TRAK2: variants seen among roughly 807,000 people sequenced by gnomAD.
The protein encoded by TRAK2 is trafficking kinesin protein 2.
Under a neutral mutation model 104.6 loss-of-function variants are expected in TRAK2, and 81 were observed. That is an observed-to-expected ratio of 0.77 (90% confidence interval 0.65 to 0.93). TRAK2 has a LOEUF of 0.93. TRAK2 is among the 40% of genes least tolerant of loss of function. The pLI is 0.00. For missense variants in TRAK2, 1,002 were observed against 1,089.0 expected, an observed-to-expected ratio of 0.92 and a Z score of 1.12; for synonymous variants, 406 against 394.4, an observed-to-expected ratio of 1.03 and a Z score of -0.35.
chr2:201,407,599 T>TC lies in TRAK2; in HGVS notation c.92-3_92-2insG, dbSNP rs1167277383. 3 of 1,609,918 alleles carry TC rather than the reference T, an allele frequency of 1.9e-6. No homozygotes were observed. In the African/African-American group the frequency reaches 4.0e-5, roughly 22 times the overall value. Reference sequence around the variant, plus strand: ...GGAGATCCTCATTGGAGCAGACATCTAAAGAGGAGAGTCTATGTAAATGAA... The same window carrying TC: ...GGAGATCCTCATTGGAGCAGACATCTCAAAGAGGAGAGTCTATGTAAATGAA... On this transcript the variant is annotated splice_region_variant and splice_polypyrimidine_tract_variant and intron_variant, in intron 2 of 15. Coordinates refer to ENST00000332624, the MANE Select transcript of TRAK2 (RefSeq NM_015049.3).
intron 1 of TRAK2, among the ~76,000 whole-genome samples, chr2:201,431,046 G>A (rs1358396296): frequency 2.0e-5 from 3 of 152,096 alleles, no homozygotes; most frequent in Non-Finnish European, 2.9e-5. Flanking sequence ...GAGTAGATGC[G>A]GTCTGAAGAT....
Position 201,392,461 on chromosome 2 carries a change from C to A in TRAK2, c.1113+448G>T, listed in dbSNP as rs1951456921. Among the ~76,000 whole-genome samples the A allele has an allele frequency of 2.0e-5, 3 of 152,070 alleles. No individual in the cohort carries two copies. The South Asian group carries it at 6.2e-4, about 32-fold the overall frequency. Reference sequence around the variant, plus strand: ...TATTAATTTTTTAATACAAAAATACCATTTATAAATGAATCAAACAAAGAT... The same window carrying A: ...TATTAATTTTTTAATACAAAAATACAATTTATAAATGAATCAAACAAAGAT... On this transcript the variant is annotated intron_variant, in intron 10 of 15. Transcript: ENST00000332624.
In TRAK2 at chr2:201,420,345, T is replaced by C. The variant is rs184382721; in HGVS notation, c.91+72A>G. 19 of 1,265,690 alleles carry C rather than the reference T, an allele frequency of 1.5e-5. No individual in the cohort carries two copies. In the African/African-American group the frequency reaches 1.6e-4, roughly 11 times the overall value. 78.4% of individuals were successfully genotyped at this position (1,265,690 alleles called of 1,614,324 possible). A position where few individuals can be genotyped will look rare whatever the true frequency, so the allele number is the denominator to read the frequency against. Reference sequence around the variant, plus strand: ...TTGGGTTTCATCATGATAGGTCATATATGCTGGACTGAGGCATTTGCATTT... The same window carrying C: ...TTGGGTTTCATCATGATAGGTCATACATGCTGGACTGAGGCATTTGCATTT... On this transcript the variant is annotated intron_variant, in intron 2 of 15. Transcript: ENST00000332624.
Position 201,397,906 on chromosome 2 carries a change from A to C in TRAK2, c.690+239T>G, listed in dbSNP as rs1017447440. 1.1e-4 allele frequency: 61 copies of C among 569,946 alleles called. No individual in the cohort carries two copies. In the Admixed American group the frequency reaches 1.8e-3, roughly 16 times the overall value. 35.3% of individuals were successfully genotyped at this position (569,946 alleles called of 1,614,324 possible). A position where few individuals can be genotyped will look rare whatever the true frequency, so the allele number is the denominator to read the frequency against. ...CTACTTAGTTACTTGCGTAAACTCC[A>C]CAAGATACATTTTCTATCCTGTGAC... On this transcript the variant is annotated intron_variant, in intron 6 of 15. Transcript: ENST00000332624.
intron 2 of TRAK2, chr2:201,411,507 T>C: frequency 1.3e-6 from 1 of 745,696 alleles, no homozygotes; most frequent in Non-Finnish European, 2.5e-6. Flanking sequence ...TTGCTCCAGC[T>C]TAGTCTTATG....
At position 201,433,280 on chromosome 2, in the gene TRAK2, C is replaced by T. The variant is rs768717008; in HGVS notation, c.-199-12574G>A. Among the ~76,000 whole-genome samples the T allele has an allele frequency of 5.9e-5, 9 of 152,162 alleles. No individual in the cohort carries two copies. In the South Asian group the frequency reaches 6.2e-4, roughly 11 times the overall value. ...GCCACATATCACTATCCAGCTGCAC[C>T]GATGCCGCGGGAAAGCTACACTGGC... On this transcript the variant is annotated intron_variant, in intron 1 of 15. Transcript: ENST00000332624.
At chr2:201,390,465 G>A (rs1303343543) in intron 10 of TRAK2, among the ~76,000 whole-genome samples, 26 of 149,784 alleles carry the variant, frequency 1.7e-4, no homozygotes, top group Non-Finnish European at 2.8e-4. Context: ...TCGGGAGGCT[G>A]AGGCAGGAGA....
rs1157402177 is a variant in TRAK2 at position 201,387,962 on chromosome 2, A to G, written c.1437T>C (p.Asp479=). ...QKMGQPGPSG[D]SDLATALHRL... ...GATGCAGTGCTGTAGCCAAATCACT[A>G]TCTCCTGAGGGTCCTGGTTGGCCCA... Residue 479 remains aspartate, a synonymous_variant, in exon 13 of 16, where the codon GAT becomes GAC. Transcript: ENST00000332624. The G allele has an allele frequency of 1.9e-6, 3 of 1,614,104 alleles. No homozygotes were observed. Among genetic ancestry groups the G allele is most frequent in the East Asian group, 2.2e-5 (1 of 44,882 alleles).
At chr2:201,443,309 C>T (rs952778795) in intron 1 of TRAK2, among the ~76,000 whole-genome samples, 1 of 152,166 alleles carries the variant, frequency 6.6e-6, no homozygotes, top group African/African-American at 2.4e-5. Context: ...TATCTGATGT[C>T]ATCTCTGGTT....
At chr2:201,426,833 T>C (rs1951792955) in intron 1 of TRAK2, among the ~76,000 whole-genome samples, 1 of 152,212 alleles carries the variant, frequency 6.6e-6, no homozygotes, top group African/African-American at 2.4e-5. Context: ...ATAAGCCCTT[T>C]GGACATGCCC....
chr2:201,420,860 A>T (rs1229045840), intron 1 of TRAK2, among the ~76,000 whole-genome samples, 154 bp from the exon 2 acceptor site: 1 of 152,230 alleles, frequency 6.6e-6, no homozygotes, highest in East Asian at 1.9e-4. Flanking sequence ...AGTCAGACAA[A>T]AAAAGAGTAC....
At chr2:201,436,864 G>C (rs1951883163) in intron 1 of TRAK2, among the ~76,000 whole-genome samples, 1 of 152,044 alleles carries the variant, frequency 6.6e-6, no homozygotes, top group Non-Finnish European at 1.5e-5. Context: ...CAGAACAGAG[G>C]GTAACTTAAA....
Position 201,399,386 on chromosome 2 carries a change from G to A in TRAK2, c.471C>T (p.Ala157=). The A allele has an allele frequency of 1.2e-6, 2 of 1,606,234 alleles. No homozygotes were observed. The highest frequency in any genetic ancestry group is 1.7e-6 in the Non-Finnish European group (2 of 1,173,556). Residue 157 remains alanine, a synonymous_variant, in exon 5 of 16, where the codon GCC becomes GCT. Transcript: ENST00000332624. ...NESLEEQLGQ[A]FDQVNQLQHE... is the part of the protein sequence containing the mutation. ...TTGATCAAAGGCTTACTTGATCAAA[G>A]GCTTGTCCCAATTGCTCCTCCAGGG...
At chr2:201,387,315 T>C (rs1951400336) in intron 13 of TRAK2, among the ~76,000 whole-genome samples, 1 of 152,162 alleles carries the variant, frequency 6.6e-6, no homozygotes, top group African/African-American at 2.4e-5. Flanking sequence ...TACTTTTGGG[T>C]AAAAAACTCT....
At chr2:201,427,738 A>T (rs942456997) in intron 1 of TRAK2, among the ~76,000 whole-genome samples, 1 of 152,206 alleles carries the variant, frequency 6.6e-6, no homozygotes. Context: ...ATCCTCGAGG[A>T]ATCACCACAC....
chr2:201,394,814 C>T lies in TRAK2; in HGVS notation c.959G>A (p.Arg320Gln), dbSNP rs772803564. The T allele has an allele frequency of 4.3e-6, 7 of 1,613,764 alleles. No homozygotes were observed. Among genetic ancestry groups the T allele is most frequent in the South Asian group, 1.1e-5 (1 of 91,062 alleles). ...TTTCATTACCTCCATTGTCAGTTGC[C>T]GTTGGGCATCTTTGGAAGCTTGCAG... is the stretch of plus-strand genomic sequence containing the variant. ...LHLQASKDAQ[R>Q]QLTMELHELQ... Residue 320 changes from arginine (R) to glutamine (Q), a missense_variant, in exon 9 of 16, where the codon CGG (arginine) becomes CAG (glutamine). Coordinates refer to ENST00000332624, the MANE Select transcript of TRAK2 (RefSeq NM_015049.3).
At chr2:201,420,347 T>C (rs2125654596) in intron 2 of TRAK2, 70 bp downstream of exon 2, 1 of 1,303,300 alleles carries the variant, frequency 7.7e-7, no homozygotes. Context: ...AGGTCATATA[T>C]GCTGGACTGA....
intron 3 of TRAK2, among the ~76,000 whole-genome samples, chr2:201,401,861 C>T (rs530159135): frequency 7.2e-4 from 110 of 152,102 alleles, no homozygotes; most frequent in African/African-American, 2.6e-3. Context: ...GTTAATAATG[C>T]ATAACAAAAG....
At chr2:201,387,342 GA>G (rs1225570767) in intron 13 of TRAK2, among the ~76,000 whole-genome samples, 4 of 152,108 alleles carry the variant, frequency 2.6e-5, no homozygotes, top group African/African-American at 9.7e-5. Flanking sequence ...AAGGAAGGTG[GA>G]GATGAATTAT....
Sources: allele counts gnomAD v4.1 joint callset (sites outside exome capture counted in the v4.1 genomes callset), GRCh38; gene constraint gnomAD v4.1.1; transcripts MANE v1.5; gene names NCBI Gene and HGNC (gene_info 2026-07-23, HGNC 2026-07-21).